The following SRFBP1 variants were observed in gnomAD, a reference collection of about 807,000 sequenced individuals.
SRFBP1 encodes serum response factor binding protein 1, also known as serum response factor-binding protein 1.
In SRFBP1, 47 loss-of-function variants were observed where a neutral mutation model predicts 45.5. The observed-to-expected ratio is 1.03, with a 90% CI of 0.82 to 1.32. SRFBP1 has a LOEUF of 1.32. Among genes scored for constraint, SRFBP1 ranks in the 40% most tolerant of loss-of-function variants. SRFBP1 has a pLI of 0.00. For synonymous variants in SRFBP1, 203 were observed against 166.3 expected (o/e 1.22, Z -1.70); for missense variants, 621 against 484.6 (o/e 1.28, Z -2.64).
At chr5:122,001,101 GT>G (rs1752856522) in intron 4 of SRFBP1, among the ~76,000 whole-genome samples, 1 of 151,796 alleles carries the variant, frequency 6.6e-6, no homozygotes, top group Non-Finnish European at 1.5e-5. Context: ...CCTCCATAAA[GT>G]TTTGCTTTTG....
chr5:122,045,161 T>C lies in SRFBP1; in HGVS notation n.311+22754T>C, dbSNP rs554493618. Among the ~76,000 whole-genome samples, 209 of 152,300 alleles carry C rather than the reference T, an allele frequency of 1.4e-3. 2 individuals carry two copies. The highest frequency in any genetic ancestry group is 4.8e-3 in the African/African-American group (200 of 41,564). The stretch of plus-strand genomic sequence containing the variant: ...TTTGTCAACTTTGTCAAAGACAAGA[T>C]GGTTGTACATTTGTGGCACTATTTC... On this transcript the variant is annotated intron_variant and non_coding_transcript_variant, in intron 2 of 2. Coordinates refer to the SRFBP1 transcript ENST00000504881.
intron 4 of SRFBP1, among the ~76,000 whole-genome samples, chr5:122,006,959 C>G (rs1561589179): frequency 6.6e-6 from 1 of 151,982 alleles, no homozygotes; most frequent in Non-Finnish European, 1.5e-5. Context: ...TGTTGTATCT[C>G]TTAGGTTTTT....
chr5:122,007,642 T>C (rs1561589427), intron 4 of SRFBP1, among the ~76,000 whole-genome samples: 2 of 151,314 alleles, frequency 1.3e-5, no homozygotes, highest in Non-Finnish European at 2.9e-5. Flanking sequence ...ACAGGAGCGG[T>C]CCTGCACCCT....
chr5:122,026,514 C>G (rs954187004), intron 7 of SRFBP1, among the ~76,000 whole-genome samples: 1 of 152,190 alleles, frequency 6.6e-6, no homozygotes, highest in Non-Finnish European at 1.5e-5. Flanking sequence ...TATTGTCAGA[C>G]TCAGTGGAGT....
intron 2 of SRFBP1, among the ~76,000 whole-genome samples, chr5:122,044,848 A>C (rs2112734964): frequency 6.6e-6 from 1 of 151,822 alleles, no homozygotes; most frequent in South Asian, 2.1e-4. Flanking sequence ...GCTGTGCAAA[A>C]GCTCTTTAAT....
At chr5:121,980,824 T>C (rs926209298) in intron 3 of SRFBP1, among the ~76,000 whole-genome samples, 4 of 152,182 alleles carry the variant, frequency 2.6e-5, no homozygotes, top group African/African-American at 9.6e-5. Context: ...GCTTTGAATC[T>C]GCTACTTGTC....
intron 3 of SRFBP1, among the ~76,000 whole-genome samples, chr5:121,993,162 T>C (rs1193689781): frequency 6.6e-6 from 1 of 152,128 alleles, no homozygotes; most frequent in Non-Finnish European, 1.5e-5. Context: ...TAAATATATT[T>C]TGTTGATTTT....
chr5:121,975,460 G>A (rs1752285651), intron 3 of SRFBP1, 73 bp downstream of exon 3: 2 of 1,528,874 alleles, frequency 1.3e-6, no homozygotes, highest in Non-Finnish European at 1.8e-6. Context: ...GTTTGTGTGT[G>A]GTATTGCTTA....
chr5:122,041,223 A>G lies in SRFBP1; in HGVS notation n.311+18816A>G, dbSNP rs1753768026. ...ATGAGAATGGGAGAGAGAGTGATGG[A>G]TATTTGATTATATAGAAAGGAATGA... is the stretch of plus-strand genomic sequence containing the variant. On this transcript the variant is annotated intron_variant and non_coding_transcript_variant, in intron 2 of 2. Coordinates refer to the SRFBP1 transcript ENST00000504881. Among the ~76,000 whole-genome samples, 4 of 152,198 alleles carry G rather than the reference A, an allele frequency of 2.6e-5. No individual in the cohort carries two copies. The South Asian group carries it at 8.3e-4, about 32-fold the overall frequency.
In SRFBP1 at chr5:121,997,771, CAAAGGGCTAATATCCAGAATCTACA is replaced by C. The variant is rs1159746427; in HGVS notation, c.270+3103_270+3127del. On this transcript the variant is annotated intron_variant, in intron 4 of 7. Coordinates refer to ENST00000339397, the MANE Select transcript of SRFBP1 (RefSeq NM_152546.3). ...AAATTTTCGCAACCTACTCATCTGA[CAAAGGGCTAATATCCAGAATCTACA>C]ATGAACTCAAACAAATTGACAAGAA... Among the ~76,000 whole-genome samples the C allele has an allele frequency of 2.0e-4, 31 of 151,908 alleles. No individual in the cohort carries two copies. In the South Asian group the frequency reaches 6.5e-3, roughly 32 times the overall value.
intron 3 of SRFBP1, among the ~76,000 whole-genome samples, chr5:121,989,346 G>T: frequency 6.6e-6 from 1 of 152,132 alleles, no homozygotes; most frequent in East Asian, 1.9e-4. Context: ...GATTACAGGT[G>T]TGAGCCACCG....
intron 1 of SRFBP1, among the ~76,000 whole-genome samples, chr5:121,967,462 T>G (rs749802419): frequency 3.3e-5 from 5 of 152,150 alleles, no homozygotes; most frequent in Non-Finnish European, 5.9e-5. Context: ...TTTTAAAAAA[T>G]TGTTGCTCAT....
chr5:121,994,686 A>G lies in SRFBP1; in HGVS notation c.270+16A>G, dbSNP rs555696206. 1.5e-5 allele frequency: 23 copies of G among 1,496,742 alleles called. No homozygotes were observed. The East Asian group carries it at 4.9e-4, about 32-fold the overall frequency. 92.7% of individuals were successfully genotyped at this position (1,496,742 alleles called of 1,614,324 possible). A position where few individuals can be genotyped will look rare whatever the true frequency, so the allele number is the denominator to read the frequency against. On this transcript the variant is annotated intron_variant, in intron 4 of 7. Transcript: ENST00000339397. Reference sequence around the variant, plus strand: ...CTTCAAAAAGGTATATCTGCAATAGATTATATTTGTCTTATGAAAAGTTTC... The same window carrying G: ...CTTCAAAAAGGTATATCTGCAATAGGTTATATTTGTCTTATGAAAAGTTTC...
At chr5:122,026,115 A>T (rs755922313) in intron 7 of SRFBP1, among the ~76,000 whole-genome samples, 1 of 152,200 alleles carries the variant, frequency 6.6e-6, no homozygotes, top group Non-Finnish European at 1.5e-5. Context: ...TTTGACAATG[A>T]TTCCTAACTT....
chr5:122,034,406 G>T (rs1180166766), intron 2 of SRFBP1, among the ~76,000 whole-genome samples: 13 of 151,656 alleles, frequency 8.6e-5, no homozygotes, highest in Non-Finnish European at 1.8e-4. Context: ...TTATGTTTCT[G>T]TTGTCCTTTT....
intron 2 of SRFBP1, among the ~76,000 whole-genome samples, chr5:122,045,874 G>T (rs1472688496): frequency 6.6e-6 from 1 of 152,142 alleles, no homozygotes; most frequent in South Asian, 2.1e-4. Flanking sequence ...TTGCACTGGC[G>T]ATGACTTCCA....
chr5:122,041,133 A>C (rs938903432), intron 2 of SRFBP1, among the ~76,000 whole-genome samples: 1 of 152,202 alleles, frequency 6.6e-6, no homozygotes, highest in Non-Finnish European at 1.5e-5. Flanking sequence ...GTCACCAGTT[A>C]GGAGGCTATT....
intron 7 of SRFBP1, among the ~76,000 whole-genome samples, chr5:122,026,085 G>T (rs186787096): frequency 6.6e-6 from 1 of 152,132 alleles, no homozygotes; most frequent in East Asian, 1.9e-4. Context: ...GCAAGACTCC[G>T]TCTTAAAAAA....
At chr5:122,021,381 G>A (rs1200010580) in intron 6 of SRFBP1, among the ~76,000 whole-genome samples, 3 of 152,224 alleles carry the variant, frequency 2.0e-5, no homozygotes, top group Non-Finnish European at 4.4e-5. Context: ...TTGATAAAGG[G>A]TATCTTCACA....
Sources: gnomAD v4.1 joint callset for allele counts (sites outside exome capture counted in the v4.1 genomes callset) on GRCh38, gnomAD v4.1.1 for gene constraint, MANE v1.5 for transcripts, NCBI Gene and HGNC (gene_info 2026-07-23, HGNC 2026-07-21) for gene names.